The following DSG4 variants were observed in gnomAD, a reference collection of about 807,000 sequenced individuals.
DSG4 encodes desmoglein 4, also known as desmoglein-4.
In DSG4, 87 loss-of-function variants were observed where a neutral mutation model predicts 93.1. The ratio of observed to expected loss-of-function variants is 0.93; its 90% CI spans 0.79 to 1.12. The LOEUF (loss-of-function observed/expected upper bound fraction) is 1.12, where lower values mean the gene tolerates loss of function less well. Among genes scored for constraint, DSG4 ranks in the 50% most tolerant of loss-of-function variants. The pLI is 0.00. For missense variants in DSG4, 1,373 were observed against 1,285.7 expected, an observed-to-expected ratio of 1.07 and a Z score of -1.04; for synonymous variants, 432 against 452.9, an observed-to-expected ratio of 0.95 and a Z score of 0.59.
chr18:31,398,646 T>A (rs2072330706), intron 8 of DSG4, among the ~76,000 whole-genome samples: 1 of 152,242 alleles, frequency 6.6e-6, no homozygotes, highest in Non-Finnish European at 1.5e-5. Flanking sequence ...TTCTATTTTT[T>A]ATCCAGAATA....
At chr18:31,401,810 A>G (rs138184799) in intron 10 of DSG4, 103 of 152,310 alleles carry the variant, frequency 6.8e-4, no homozygotes, top group African/African-American at 2.3e-3. Context: ...GTAGGTTTGC[A>G]TTGAGTTTAT....
In DSG4 at chr18:31,414,559, G is replaced by A. The variant is rs1208589188; in HGVS notation, c.*964G>A. The A allele has an allele frequency of 1.3e-5, 2 of 152,178 alleles. No individual in the cohort carries two copies. 9.4% of individuals were successfully genotyped at this position (152,178 alleles called of 1,614,324 possible). A position where few individuals can be genotyped will look rare whatever the true frequency, so the allele number is the denominator to read the frequency against. ...TAGTCTTGGCTCTGTGAATATACAG[G>A]TAAAGAAGACAGACATGGTTTCTGC... On this transcript the variant is annotated 3_prime_UTR_variant, in exon 16 of 16. Transcript: ENST00000308128.
chr18:31,401,347 AAAGT>A (rs1474693973), intron 10 of DSG4, among the ~76,000 whole-genome samples: 1 of 152,178 alleles, frequency 6.6e-6, no homozygotes, highest in African/African-American at 2.4e-5. Flanking sequence ...ATGTTTACTT[AAAGT>A]AAGGGCTACG....
intron 2 of DSG4, among the ~76,000 whole-genome samples, chr18:31,385,384 A>G (rs560169775): frequency 1.5e-3 from 225 of 152,318 alleles, no homozygotes; most frequent in Non-Finnish European, 2.7e-3. Context: ...TTAGTGTCTT[A>G]GTAACTCCTG....
Position 31,390,649 on chromosome 18 carries a change from T to C in DSG4, c.518-7T>C. On this transcript the variant is annotated splice_polypyrimidine_tract_variant and splice_region_variant and intron_variant, in intron 5 of 15. Coordinates refer to ENST00000308128, the MANE Select transcript of DSG4 (RefSeq NM_177986.5). ...CAACCATTCTCCACCTCCATTTCTA[T>C]TTCTAGATACATTGGTAGTAAAGTT... 6.2e-7 allele frequency: 1 copy of C among 1,613,306 alleles called. No individual in the cohort carries two copies. Among genetic ancestry groups the C allele is most frequent in the Non-Finnish European group, 8.5e-7 (1 of 1,179,404 alleles).
chr18:31,388,749 T>C (rs1452276900), intron 4 of DSG4, 125 bp from the exon 5 acceptor site: 2 of 1,435,848 alleles, frequency 1.4e-6, no homozygotes. Context: ...TTAAATTATT[T>C]GACTGTACTA....
At position 31,383,419 on chromosome 18, in the gene DSG4, C is replaced by A. The variant is rs143379952; in HGVS notation, c.49-1717C>A. Among the ~76,000 whole-genome samples the A allele has an allele frequency of 5.0e-3, 761 of 152,220 alleles. 13 individuals are homozygous for A. The highest frequency in any genetic ancestry group is 0.016 in the African/African-American group (675 of 41,534). On this transcript the variant is annotated intron_variant, in intron 1 of 15. Transcript: ENST00000308128. ...TCCTATAAGAGTCTTCAAATTGGGACACGTATTTTGCTGAATACATATTCC... is the reference window on the plus strand; with the variant it reads ...TCCTATAAGAGTCTTCAAATTGGGAAACGTATTTTGCTGAATACATATTCC...
chr18:31,412,687 T>C lies in DSG4; in HGVS notation c.2356-141T>C, dbSNP rs986131281. 5.8e-6 allele frequency: 5 copies of C among 857,010 alleles called. No homozygotes were observed. The Admixed American group carries it at 7.7e-5, about 13-fold the overall frequency. 53.1% of individuals were successfully genotyped at this position (857,010 alleles called of 1,614,324 possible). On this transcript the variant is annotated intron_variant, in intron 15 of 15. Coordinates refer to ENST00000308128, the MANE Select transcript of DSG4 (RefSeq NM_177986.5). The stretch of plus-strand genomic sequence containing the variant: ...ACAGAATGTGCATGGATAGTATCAA[T>C]TATTTTAATGAGTGATTGATACCAT...
At chr18:31,390,519 T>C (rs2072235808) in intron 5 of DSG4, 137 bp from the exon 6 acceptor site, 3 of 975,512 alleles carry the variant, frequency 3.1e-6, no homozygotes, top group South Asian at 1.4e-5. Context: ...CTGAAAGTTA[T>C]GGTACTATAT....
intron 5 of DSG4, among the ~76,000 whole-genome samples, chr18:31,389,839 C>T (rs2072229382): frequency 6.6e-6 from 1 of 152,024 alleles, no homozygotes; most frequent in Non-Finnish European, 1.5e-5. Context: ...GATAGTCCTC[C>T]CATAGAGAGG....
chr18:31,382,687 T>C (rs896237580), intron 1 of DSG4, among the ~76,000 whole-genome samples: 2 of 152,022 alleles, frequency 1.3e-5, no homozygotes, highest in Non-Finnish European at 2.9e-5. Flanking sequence ...GACCTGTACA[T>C]AAAGTGACAG....
chr18:31,398,562 G>A (rs2072329795), intron 8 of DSG4, among the ~76,000 whole-genome samples: 1 of 152,118 alleles, frequency 6.6e-6, no homozygotes, highest in Non-Finnish European at 1.5e-5. Context: ...ACATTGTTCA[G>A]CAATTCTTTC....
rs2072460948 is a variant in DSG4, at chr18:31,409,432, A to G, written c.1934-20A>G. The G allele has an allele frequency of 4.3e-6, 7 of 1,614,024 alleles. No homozygotes were observed. The highest frequency in any genetic ancestry group is 5.9e-6 in the Non-Finnish European group (7 of 1,180,022). On this transcript the variant is annotated intron_variant, in intron 12 of 15. Coordinates refer to ENST00000308128, the MANE Select transcript of DSG4 (RefSeq NM_177986.5). ...ACCGAGCAATGTGTGTTAACTCGAC[A>G]TTGTCACTTTCTTGGGCAGTGGCTC...
chr18:31,403,563 C>G lies in DSG4; in HGVS notation c.1565C>G (p.Ser522Cys). Residue 522 changes from serine to cysteine, a missense_variant, in exon 11 of 16, where the codon TCT (serine) becomes TGT (cysteine). Transcript: ENST00000308128. ...TCTGTTAATGAACATTCTTATGGGT[C>G]TCCGTTTACTTTCTGTGTTGTTGAT... is the stretch of plus-strand genomic sequence containing the variant. ...LISVNEHSYG[S>C]PFTFCVVDEP... 1 of 1,614,034 alleles carries G rather than the reference C, an allele frequency of 6.2e-7. No homozygotes were observed. Among genetic ancestry groups the G allele is most frequent in the Non-Finnish European group, 8.5e-7 (1 of 1,179,944 alleles).
At chr18:31,411,589 C>G (rs1250503491) in intron 15 of DSG4, 141 bp downstream of exon 15, 1 of 1,079,392 alleles carries the variant, frequency 9.3e-7, no homozygotes, top group Non-Finnish European at 1.4e-6. Context: ...AAGTATTTCA[C>G]GTCTCCTTAA....
chr18:31,384,945 T>C (rs192587439), intron 1 of DSG4, among the ~76,000 whole-genome samples, 191 bp from the exon 2 acceptor site: 71 of 152,308 alleles, frequency 4.7e-4, no homozygotes, highest in Middle Eastern at 3.4e-3. Context: ...GTGTTTGTCT[T>C]CTCTAAAATG....
chr18:31,383,422 G>A (rs766258354), intron 1 of DSG4, among the ~76,000 whole-genome samples: 12 of 152,058 alleles, frequency 7.9e-5, no homozygotes, highest in Non-Finnish European at 1.2e-4. Flanking sequence ...ATTGGGACAC[G>A]TATTTTGCTG....
intron 15 of DSG4, 102 bp from the exon 16 acceptor site, chr18:31,412,726 C>T: frequency 8.1e-7 from 1 of 1,227,248 alleles, no homozygotes. Context: ...TCAGTTTATT[C>T]CGTAACAACT....
intron 1 of DSG4, among the ~76,000 whole-genome samples, chr18:31,377,773 G>T (rs1298019578): frequency 6.6e-6 from 1 of 152,154 alleles, no homozygotes; most frequent in East Asian, 1.9e-4. Context: ...TAAGAGGACA[G>T]GATTATTAGG....
Sources: gnomAD v4.1 joint callset for allele counts (sites outside exome capture counted in the v4.1 genomes callset) on GRCh38, gnomAD v4.1.1 for gene constraint, MANE v1.5 for transcripts, NCBI Gene and HGNC (gene_info 2026-07-23, HGNC 2026-07-21) for gene names.